The following EPHB1 variants were observed in gnomAD, a reference collection of about 807,000 sequenced individuals.
EPHB1 encodes the protein EPH receptor B1.
In EPHB1, 30 loss-of-function variants were observed where a neutral mutation model predicts 94.4. That is an observed-to-expected ratio of 0.32 (90% CI 0.24 to 0.43). The LOEUF (loss-of-function observed/expected upper bound fraction) is 0.43. EPHB1 is among the 20% of genes least tolerant of loss of function. EPHB1 has a pLI of 1.00. For synonymous variants in EPHB1, 522 were observed against 489.1 expected, an observed-to-expected ratio of 1.07 and a Z score of -0.89; for missense variants, 1,055 against 1,308.3, an observed-to-expected ratio of 0.81 and a Z score of 2.99.
intron 3 of EPHB1, among the ~76,000 whole-genome samples, chr3:134,992,854 G>A (rs1167679225): frequency 2.0e-5 from 3 of 152,144 alleles, no homozygotes; most frequent in African/African-American, 7.2e-5. Flanking sequence ...TTCCCTGGGT[G>A]CTTGAATTCC....
intron 1 of EPHB1, among the ~76,000 whole-genome samples, chr3:134,908,475 C>T (rs2038383130): frequency 6.6e-6 from 1 of 152,234 alleles, no homozygotes; most frequent in Non-Finnish European, 1.5e-5. Flanking sequence ...ATGCCTGTCA[C>T]TCTGCGCTGT....
At chr3:135,041,395 A>G (rs1389749766) in intron 3 of EPHB1, among the ~76,000 whole-genome samples, 2 of 152,158 alleles carry the variant, frequency 1.3e-5, no homozygotes, top group Admixed American at 6.5e-5. Flanking sequence ...GCTGGTGTTC[A>G]TGGCCTTCCT....
In EPHB1 at chr3:135,259,648, G is replaced by A. The variant is rs548397077; in HGVS notation, c.*528G>A. ...AAACCCAGCTCCTGAGTCTCCAGAT[G>A]TTGTTCTGTCAGTTGCCAAAGGACT... is the stretch of plus-strand genomic sequence containing the variant. On this transcript the variant is annotated 3_prime_UTR_variant, in exon 16 of 16. Coordinates refer to ENST00000398015, the MANE Select transcript of EPHB1 (RefSeq NM_004441.5). The A allele has an allele frequency of 2.4e-4, 46 of 195,490 alleles. No homozygotes were observed. Among genetic ancestry groups the A allele is most frequent in the African/African-American group, 9.9e-4 (43 of 43,244 alleles). The allele number at this position is 195,490 out of a possible 1,614,324, so 12.1% of individuals were successfully genotyped here. A position where few individuals can be genotyped will look rare whatever the true frequency, so the allele number is the denominator to read the frequency against.
intron 1 of EPHB1, among the ~76,000 whole-genome samples, chr3:134,832,195 C>T (rs903365692): frequency 1.3e-5 from 2 of 152,218 alleles, no homozygotes; most frequent in African/African-American, 2.4e-5. Context: ...TCAAATTTAA[C>T]TGGGTGTCCT....
chr3:134,942,078 G>T (rs1458177502), intron 2 of EPHB1, among the ~76,000 whole-genome samples: 2 of 152,190 alleles, frequency 1.3e-5, no homozygotes, highest in Non-Finnish European at 2.9e-5. Context: ...TAATCTGTTG[G>T]TTGTGCAAGG....
chr3:134,824,977 C>T (rs1042095440), intron 1 of EPHB1, among the ~76,000 whole-genome samples: 4 of 152,234 alleles, frequency 2.6e-5, no homozygotes, highest in African/African-American at 9.6e-5. Context: ...GAGAACTATC[C>T]AGTTGGGCCT....
intron 3 of EPHB1, among the ~76,000 whole-genome samples, chr3:135,005,821 G>T (rs1024289210): frequency 6.6e-6 from 1 of 152,208 alleles, no homozygotes; most frequent in African/African-American, 2.4e-5. Flanking sequence ...TTCGGCTCGC[G>T]CACGGTGCAC....
chr3:135,083,160 A>T (rs533504279), intron 3 of EPHB1, among the ~76,000 whole-genome samples: 1 of 152,234 alleles, frequency 6.6e-6, no homozygotes, highest in South Asian at 2.1e-4. Context: ...GCAGGGCCTG[A>T]TGACCCCATT....
chr3:134,811,242 G>GGTTTTTTTTTTTTTTTTTTTT (rs2036168294), intron 1 of EPHB1, among the ~76,000 whole-genome samples: 4 of 73,890 alleles, frequency 5.4e-5, no homozygotes, highest in African/African-American at 1.7e-4. Flanking sequence ...TACTAAGAAG[G>GGTTTTTTTTTTTTTTTTTTTT]TTTTTTTTTT....
Position 134,795,346 on chromosome 3 carries a change from G to A in EPHB1, c.-286G>A, listed in dbSNP as rs1452519676. On this transcript the variant is annotated 5_prime_UTR_variant, in exon 1 of 16. Transcript: ENST00000398015. ...CACTCGCTCTCGCGCGCTCTCCCAG[G>A]CTCGTTCTCCCTCGCCCTCTCTCTC... 2.0e-6 allele frequency: 1 copy of A among 494,586 alleles called. No individual in the cohort carries two copies. Among genetic ancestry groups the A allele is most frequent in the Non-Finnish European group, 3.5e-6 (1 of 282,108 alleles). 30.6% of individuals were successfully genotyped at this position (494,586 alleles called of 1,614,324 possible). A position where few individuals can be genotyped will look rare whatever the true frequency, so the allele number is the denominator to read the frequency against.
At chr3:134,862,298 A>G (rs1221150183) in intron 1 of EPHB1, among the ~76,000 whole-genome samples, 7 of 152,118 alleles carry the variant, frequency 4.6e-5, no homozygotes, top group Admixed American at 4.6e-4. Flanking sequence ...GGAGAGAGGA[A>G]GAGCAGTTTG....
intron 3 of EPHB1, among the ~76,000 whole-genome samples, chr3:135,053,853 G>T (rs1271185788): frequency 6.6e-6 from 1 of 152,076 alleles, no homozygotes; most frequent in East Asian, 1.9e-4. Flanking sequence ...ATATCTGGGT[G>T]TGGTGGCACG....
chr3:134,855,224 G>A (rs1223389642), intron 1 of EPHB1, among the ~76,000 whole-genome samples: 2 of 152,192 alleles, frequency 1.3e-5, no homozygotes, highest in East Asian at 1.9e-4. Context: ...AATATAAAAT[G>A]TAAGATTTAA....
intron 3 of EPHB1, among the ~76,000 whole-genome samples, chr3:134,979,191 T>A (rs1176997411): frequency 6.6e-6 from 1 of 152,220 alleles, no homozygotes; most frequent in Admixed American, 6.5e-5. Context: ...AGAAGTGTAT[T>A]TGAACTATTT....
At chr3:134,795,841 G>C (rs2035813849) in intron 1 of EPHB1, among the ~76,000 whole-genome samples, 152 bp downstream of exon 1, 2 of 152,352 alleles carry the variant, frequency 1.3e-5, no homozygotes, top group Non-Finnish European at 2.9e-5. Flanking sequence ...GGCCGCTGCC[G>C]AGCGCGGGGC....
rs572666579 is a variant in EPHB1 at position 135,076,968 on chromosome 3, G to C, written c.806-29480G>C. Among the ~76,000 whole-genome samples the C allele has an allele frequency of 2.0e-5, 3 of 152,264 alleles. No homozygotes were observed. In the South Asian group the frequency reaches 6.2e-4, roughly 32 times the overall value. ...ATGGGGCCTGAGGGACATTTACGGG[G>C]TGGTAGACATGCTCTAAAATTTAAT... On this transcript the variant is annotated intron_variant, in intron 3 of 15. Coordinates refer to ENST00000398015, the MANE Select transcript of EPHB1 (RefSeq NM_004441.5).
chr3:135,049,866 A>G (rs779885736), intron 3 of EPHB1, among the ~76,000 whole-genome samples: 1 of 152,152 alleles, frequency 6.6e-6, no homozygotes, highest in Non-Finnish European at 1.5e-5. Context: ...GGACCTGTGA[A>G]GTCTGTGCTC....
At chr3:135,216,726 G>GAAAAAAAAAAAAAAAAAA (rs386397987) in intron 12 of EPHB1, among the ~76,000 whole-genome samples, 1 of 105,018 alleles carries the variant, frequency 9.5e-6, no homozygotes, top group African/African-American at 3.8e-5. Context: ...CTGTCTCAGG[G>GAAAAAAAAAAAAAAAAAA]AAAAAAAAAA....
chr3:134,933,087 G>C (rs991462798), intron 2 of EPHB1, among the ~76,000 whole-genome samples: 1 of 152,206 alleles, frequency 6.6e-6, no homozygotes, highest in African/African-American at 2.4e-5. Flanking sequence ...GAATGGTCCA[G>C]GGGCTGGTGT....
Sources: allele counts gnomAD v4.1 joint callset (sites outside exome capture counted in the v4.1 genomes callset), GRCh38; gene constraint gnomAD v4.1.1; transcripts MANE v1.5; gene names NCBI Gene and HGNC (gene_info 2026-07-23, HGNC 2026-07-21).